Variants in DHRS7B observed in about 807,000 individuals in gnomAD.
DHRS7B encodes the protein peroxisomal reductase activating PPAR-gamma.
Under a neutral mutation model 26.4 loss-of-function variants are expected in DHRS7B, and 24 were observed. The ratio of observed to expected loss-of-function variants is 0.91; its 90% confidence interval spans 0.66 to 1.28. The LOEUF (loss-of-function observed/expected upper bound fraction) is 1.28. DHRS7B is among the 50% of genes most tolerant of loss of function. The probability of loss-of-function intolerance (pLI) is 0.00; values close to 1 mark genes in which losing one functional copy is unlikely to be tolerated. For synonymous variants in DHRS7B, 142 were observed against 166.4 expected (o/e 0.85, Z 1.13); for missense variants, 368 against 419.4 (o/e 0.88, Z 1.07).
At chr17:21,157,953 A>T (rs78540428) in intron 1 of DHRS7B, among the ~76,000 whole-genome samples, 1,533 of 152,230 alleles carry the variant, frequency 0.01, 34 homozygotes, top group African/African-American at 0.034. Context: ...TGAAAAAAAA[A>T]AATAATAATA....
intron 3 of DHRS7B, among the ~76,000 whole-genome samples, chr17:21,182,279 G>A (rs888939288): frequency 2.0e-5 from 3 of 151,752 alleles, no homozygotes; most frequent in Non-Finnish European, 4.4e-5. Context: ...AGGAGTTTTT[G>A]CTCTTGTTGC....
Position 21,183,761 on chromosome 17 carries a change from C to G in DHRS7B, c.477C>G (p.Asp159Glu). 6.2e-7 allele frequency: 1 copy of G among 1,614,174 alleles called. No homozygotes were observed. Among genetic ancestry groups the G allele is most frequent in the Non-Finnish European group, 8.5e-7 (1 of 1,180,026 alleles). ...GTIMDTTVDV[D>E]KRVMETNYFG... The stretch of plus-strand genomic sequence containing the variant: ...TCATGGACACCACAGTGGATGTGGA[C>G]AAGAGGGTCATGGAGACAAACTACT... Residue 159 changes from aspartate (D) to glutamate (E), a missense_variant, in exon 4 of 7, where the codon GAC becomes GAG. Physicochemically the swap from Asp to Glu is conservative, Grantham distance 45. Coordinates refer to ENST00000395511, the MANE Select transcript of DHRS7B (RefSeq NM_015510.5).
At chr17:21,140,463 T>G (rs1366913951) in intron 1 of DHRS7B, among the ~76,000 whole-genome samples, 5 of 140,312 alleles carry the variant, frequency 3.6e-5, no homozygotes, top group African/African-American at 1.4e-4. Context: ...TATAGAAATT[T>G]TAAAGGCCTT....
rs188911954 is a variant in DHRS7B, at chr17:21,151,224, A to G, written c.21-20794A>G. ...AGGTAGCTTAGAAGTTGCCACTTCT[A>G]GGCTGGGTGCGGTGGCTCACGCCTG... On this transcript the variant is annotated intron_variant, in intron 1 of 6. Transcript: ENST00000395511. Among the ~76,000 whole-genome samples, 11 of 152,234 alleles carry G rather than the reference A, an allele frequency of 7.2e-5. No homozygotes were observed. In the East Asian group the frequency reaches 1.7e-3, roughly 24 times the overall value.
Position 21,136,974 on chromosome 17 carries a change from C to CT in DHRS7B, c.20+9995dup, listed in dbSNP as rs1206464371. On this transcript the variant is annotated intron_variant, in intron 1 of 6. Coordinates refer to ENST00000395511, the MANE Select transcript of DHRS7B (RefSeq NM_015510.5). ...TTTAAAATTTTTTTTATTTTTATTT[C>CT]TTTTTTTTTTTTGTGAGACAGAGTC... is the stretch of plus-strand genomic sequence containing the variant. 1.7e-3 allele frequency among the ~76,000 whole-genome samples: 246 copies of CT among 144,476 alleles called. 2 individuals are homozygous for CT. Among genetic ancestry groups the CT allele is most frequent in the African/African-American group, 3.7e-3 (148 of 39,828 alleles). 94.8% of individuals were successfully genotyped at this position (144,476 alleles called of 152,430 possible). A position where few individuals can be genotyped will look rare whatever the true frequency, so the allele number is the denominator to read the frequency against.
chr17:21,140,079 C>T (rs1228379339), intron 1 of DHRS7B, among the ~76,000 whole-genome samples: 13 of 137,794 alleles, frequency 9.4e-5, no homozygotes, highest in East Asian at 6.5e-4. Flanking sequence ...GGCTGGAGTG[C>T]GGTGGCGTGA....
chr17:21,176,085 G>C (rs1050199495), intron 2 of DHRS7B, among the ~76,000 whole-genome samples: 1 of 152,018 alleles, frequency 6.6e-6, no homozygotes, highest in African/African-American at 2.4e-5. Flanking sequence ...TGACTTCCCA[G>C]GCTCAAGGGA....
intron 3 of DHRS7B, among the ~76,000 whole-genome samples, chr17:21,179,253 G>A (rs537134069): frequency 1.3e-5 from 2 of 152,198 alleles, no homozygotes; most frequent in South Asian, 4.2e-4. Context: ...TAAAAATGAT[G>A]TTGAGCATCT....
chr17:21,171,184 C>T (rs1218213017), intron 1 of DHRS7B, among the ~76,000 whole-genome samples: 1 of 152,222 alleles, frequency 6.6e-6, no homozygotes, highest in Non-Finnish European at 1.5e-5. Flanking sequence ...ACCCTGTGTC[C>T]CCCTCTTATC....
intron 1 of DHRS7B, among the ~76,000 whole-genome samples, chr17:21,129,802 G>T (rs573737158): frequency 5.3e-5 from 8 of 150,420 alleles, no homozygotes; most frequent in Non-Finnish European, 1.0e-4. Flanking sequence ...TTTCAGAAAA[G>T]AAATCCCACC....
At chr17:21,168,578 G>A (rs1205539454) in intron 1 of DHRS7B, among the ~76,000 whole-genome samples, 1 of 152,062 alleles carries the variant, frequency 6.6e-6, no homozygotes, top group African/African-American at 2.4e-5. Flanking sequence ...CATGTTGCCC[G>A]GGCTGGTCTT....
chr17:21,178,720 C>T (rs1974446182), intron 3 of DHRS7B, among the ~76,000 whole-genome samples: 1 of 149,782 alleles, frequency 6.7e-6, no homozygotes, highest in South Asian at 2.1e-4. Context: ...GTGCAATGGC[C>T]CAATCTCGGT....
chr17:21,165,935 C>A (rs1343743617), intron 1 of DHRS7B, among the ~76,000 whole-genome samples: 106 of 127,976 alleles, frequency 8.3e-4, no homozygotes, highest in African/African-American at 2.5e-3. Context: ...AAAAAAAAAA[C>A]CACATTAAAA....
In DHRS7B at chr17:21,150,105, T is replaced by TAAAAAAAAA. The variant is rs61516968; in HGVS notation, c.21-21894_21-21886dup. On this transcript the variant is annotated intron_variant, in intron 1 of 6. Transcript: ENST00000395511. ...AACATAACAAGGCTCCATCTCTATT[T>TAAAAAAAAA]AAAAAAAAAAAAAAAAAAAAAAAAA... Among the ~76,000 whole-genome samples the TAAAAAAAAA allele has an allele frequency of 1.0e-4, 5 of 50,076 alleles. 1 individual carries two copies. Among genetic ancestry groups the TAAAAAAAAA allele is most frequent in the African/African-American group, 3.0e-4 (4 of 13,296 alleles). The allele number at this position is 50,076 out of a possible 152,430, so 32.9% of individuals were successfully genotyped here.
At chr17:21,161,573 T>C (rs1204522671) in intron 1 of DHRS7B, among the ~76,000 whole-genome samples, 1 of 152,176 alleles carries the variant, frequency 6.6e-6, no homozygotes, top group Non-Finnish European at 1.5e-5. Context: ...TAAAAGGAAA[T>C]GACTCCAGAC....
intron 1 of DHRS7B, among the ~76,000 whole-genome samples, chr17:21,154,971 A>G (rs1484508460): frequency 2.0e-5 from 3 of 152,190 alleles, no homozygotes; most frequent in Non-Finnish European, 4.4e-5. Context: ...TTTTTTTAAA[A>G]AAAGAAGCAT....
intron 3 of DHRS7B, among the ~76,000 whole-genome samples, chr17:21,178,658 T>A (rs1336456688): frequency 3.5e-5 from 1 of 28,806 alleles, no homozygotes; most frequent in Non-Finnish European, 7.2e-5. Context: ...TTAAAAGGTG[T>A]TTTTTTTTTT....
At chr17:21,181,781 T>A (rs117163379) in intron 3 of DHRS7B, among the ~76,000 whole-genome samples, 85 of 152,374 alleles carry the variant, frequency 5.6e-4, no homozygotes, top group Non-Finnish European at 1.0e-3. Context: ...CACAGCTGAT[T>A]TTTGGATGTT....
At chr17:21,129,421 T>A (rs1195392430) in intron 1 of DHRS7B, among the ~76,000 whole-genome samples, 1 of 151,940 alleles carries the variant, frequency 6.6e-6, no homozygotes, top group Non-Finnish European at 1.5e-5. Flanking sequence ...AAGACCCCTG[T>A]GAGGCTGTAG....
Sources: gnomAD v4.1 joint callset for allele counts (sites outside exome capture counted in the v4.1 genomes callset) on GRCh38, gnomAD v4.1.1 for gene constraint, MANE v1.5 for transcripts, NCBI Gene and HGNC (gene_info 2026-07-23, HGNC 2026-07-21) for gene names.